The following CHN1 variants were observed in gnomAD, a reference collection of about 807,000 sequenced individuals.
CHN1 encodes N-chimaerin.
CHN1 carries 37 observed loss-of-function variants against 59.5 expected under a neutral mutation model. That is an observed-to-expected ratio of 0.62 (90% CI 0.48 to 0.82). The LOEUF (loss-of-function observed/expected upper bound fraction) is 0.82. CHN1 is among the 40% of genes least tolerant of loss of function. CHN1 has a pLI of 0.00. For missense variants in CHN1, 469 were observed against 571.0 expected, an observed-to-expected ratio of 0.82 and a Z score of 1.82; for synonymous variants, 206 against 200.4, an observed-to-expected ratio of 1.03 and a Z score of -0.24.
In CHN1 at chr2:174,951,441, G is replaced by T. The variant is rs531121300; in HGVS notation, c.58+723C>A. ...ATGTTAATCTATAATTAAAGAACAG[G>T]TTTCTTAGGCTGCTTATTCAACTAC... On this transcript the variant is annotated intron_variant, in intron 2 of 12. Transcript: ENST00000409900. Among the ~76,000 whole-genome samples, 14 of 152,054 alleles carry T rather than the reference G, an allele frequency of 9.2e-5. No individual in the cohort carries two copies. The South Asian group carries it at 1.2e-3, about 14-fold the overall frequency.
At chr2:174,947,045 A>G (rs1574199034) in intron 2 of CHN1, among the ~76,000 whole-genome samples, 1 of 152,296 alleles carries the variant, frequency 6.6e-6, no homozygotes, top group Middle Eastern at 3.4e-3. Context: ...AATGCTCTGG[A>G]AAGTGCTGCC....
intron 7 of CHN1, among the ~76,000 whole-genome samples, chr2:174,831,391 T>C (rs546122065): frequency 2.6e-5 from 4 of 152,296 alleles, no homozygotes; most frequent in Middle Eastern, 3.4e-3. Context: ...TAAACAACCA[T>C]ATTAATGCTA....
chr2:174,885,066 T>G (rs1335541305), intron 5 of CHN1, among the ~76,000 whole-genome samples: 1 of 151,226 alleles, frequency 6.6e-6, no homozygotes, highest in Non-Finnish European at 1.5e-5. Flanking sequence ...GGTGGGCGGA[T>G]CACGAGGTCA....
chr2:175,003,423 T>C (rs529747728), intron 1 of CHN1, among the ~76,000 whole-genome samples: 1 of 152,346 alleles, frequency 6.6e-6, no homozygotes, highest in South Asian at 2.1e-4. Flanking sequence ...AGAAATCCTT[T>C]TAAAAGAGCA....
intron 2 of CHN1, among the ~76,000 whole-genome samples, chr2:174,946,557 G>A (rs1244449681): frequency 1.3e-5 from 2 of 152,122 alleles, no homozygotes; most frequent in Non-Finnish European, 2.9e-5. Flanking sequence ...TTCATTGTGA[G>A]AGTTAATAAG....
At chr2:174,923,506 G>T (rs1462770731) in intron 3 of CHN1, among the ~76,000 whole-genome samples, 2 of 152,136 alleles carry the variant, frequency 1.3e-5, no homozygotes, top group Non-Finnish European at 2.9e-5. Flanking sequence ...TTAGAATGGG[G>T]TCCCCCAACA....
At chr2:174,926,776 T>A (rs894724168) in intron 3 of CHN1, among the ~76,000 whole-genome samples, 1 of 151,714 alleles carries the variant, frequency 6.6e-6, no homozygotes, top group African/African-American at 2.4e-5. Flanking sequence ...TTTTTTTTTT[T>A]AGACGGAGTC....
At chr2:174,946,927 T>A (rs371897654) in intron 2 of CHN1, among the ~76,000 whole-genome samples, 17 of 146,990 alleles carry the variant, frequency 1.2e-4, no homozygotes, top group African/African-American at 3.8e-4. Flanking sequence ...AAAAAAAAAA[T>A]TCTTCAAGTC....
chr2:174,914,307 G>A (rs1688777747), intron 5 of CHN1, among the ~76,000 whole-genome samples: 1 of 152,186 alleles, frequency 6.6e-6, no homozygotes, highest in African/African-American at 2.4e-5. Context: ...TCTGGGCACT[G>A]TACTGTAAGC....
At chr2:174,883,055 T>G (rs1687782081) in intron 5 of CHN1, among the ~76,000 whole-genome samples, 4 of 152,178 alleles carry the variant, frequency 2.6e-5, no homozygotes, top group Admixed American at 2.6e-4. Context: ...CTTGGCCAAA[T>G]AAATCATTTT....
At chr2:174,970,014 C>T (rs560383986) in intron 1 of CHN1, among the ~76,000 whole-genome samples, 1 of 152,250 alleles carries the variant, frequency 6.6e-6, no homozygotes, top group Non-Finnish European at 1.5e-5. Flanking sequence ...CTGGGTAAAA[C>T]AAAGCAGTGG....
At chr2:174,990,256 TGTGTGTGA>T (rs1259530648) in intron 1 of CHN1, among the ~76,000 whole-genome samples, 5 of 95,446 alleles carry the variant, frequency 5.2e-5, no homozygotes, top group Admixed American at 1.4e-4. Flanking sequence ...TGTGTGTGTG[TGTGTGTGA>T]GAGAGAGAGA....
chr2:174,937,171 A>T (rs1344505562), intron 3 of CHN1, among the ~76,000 whole-genome samples: 2 of 152,222 alleles, frequency 1.3e-5, no homozygotes, highest in African/African-American at 4.8e-5. Context: ...GGTGATACAC[A>T]TTTGGTTTCA....
At chr2:174,877,780 T>G in intron 6 of CHN1, 60 bp downstream of exon 6, 1 of 1,489,096 alleles carries the variant, frequency 6.7e-7, no homozygotes, top group Non-Finnish European at 9.1e-7. Flanking sequence ...CTGGCAATAA[T>G]GGCTTTCTTA....
chr2:174,833,474 T>C (rs1385490500), intron 7 of CHN1, among the ~76,000 whole-genome samples: 1 of 152,208 alleles, frequency 6.6e-6, no homozygotes, highest in Non-Finnish European at 1.5e-5. Context: ...CTGTCTTGCA[T>C]AATTTCTGAT....
intron 6 of CHN1, among the ~76,000 whole-genome samples, chr2:174,867,077 T>A (rs1221688276): frequency 1.5e-5 from 2 of 135,256 alleles, no homozygotes; most frequent in Non-Finnish European, 3.2e-5. Context: ...TTTTTTTTTT[T>A]AAAGATTACT....
rs190870801 is a variant in CHN1, at chr2:174,896,479, G to A, written c.261-18351C>T. Among the ~76,000 whole-genome samples, 394 of 152,136 alleles carry A rather than the reference G, an allele frequency of 2.6e-3. 1 individual carries two copies. The highest frequency in any genetic ancestry group is 9.0e-3 in the African/African-American group (375 of 41,522). On this transcript the variant is annotated intron_variant, in intron 5 of 12. Coordinates refer to ENST00000409900, the MANE Select transcript of CHN1 (RefSeq NM_001822.7). Reference sequence around the variant, plus strand: ...AAAAGCATATGGTGACATTTGGCTGGGATAGAGAGGACAGTTTAATTGGGT... The same window carrying A: ...AAAAGCATATGGTGACATTTGGCTGAGATAGAGAGGACAGTTTAATTGGGT...
chr2:174,825,278 T>A (rs113623783), intron 7 of CHN1, among the ~76,000 whole-genome samples: 2 of 152,212 alleles, frequency 1.3e-5, no homozygotes, highest in Non-Finnish European at 2.9e-5. Context: ...GAGATACTTA[T>A]TGATGGGTCA....
chr2:174,859,622 T>C (rs1026174039), intron 6 of CHN1, among the ~76,000 whole-genome samples: 1 of 152,230 alleles, frequency 6.6e-6, no homozygotes, highest in African/African-American at 2.4e-5. Context: ...ACTATTTCAT[T>C]GTAACTTCCT....
Sources: gnomAD v4.1 joint callset for allele counts (sites outside exome capture counted in the v4.1 genomes callset) on GRCh38, gnomAD v4.1.1 for gene constraint, MANE v1.5 for transcripts, NCBI Gene and HGNC (gene_info 2026-07-23, HGNC 2026-07-21) for gene names.